The following RARB variants were observed in gnomAD, a reference collection of about 807,000 sequenced individuals.
RARB encodes the protein retinoic acid receptor beta, also known as HBV-activated protein.
Under a neutral mutation model 51.9 loss-of-function variants are expected in RARB, and 17 were observed. That is an observed-to-expected ratio of 0.33 (90% CI 0.22 to 0.49). The LOEUF (loss-of-function observed/expected upper bound fraction) is 0.49, where lower values mean the gene tolerates loss of function less well. Ranked by LOEUF, RARB falls within the 20% of genes least tolerant of loss-of-function variation. RARB has a pLI of 0.99. For synonymous variants in RARB, 215 were observed against 195.4 expected, an observed-to-expected ratio of 1.10 and a Z score of -0.84; for missense variants, 369 against 550.8, an observed-to-expected ratio of 0.67 and a Z score of 3.30.
chr3:24,880,270 C>T (rs1009614518), intron 2 of RARB, among the ~76,000 whole-genome samples: 1 of 150,872 alleles, frequency 6.6e-6, no homozygotes, highest in African/African-American at 2.4e-5. Flanking sequence ...ACCATCACAT[C>T]AGAGAGATGG....
At chr3:25,215,788 C>G (rs1037857013) in intron 5 of RARB, among the ~76,000 whole-genome samples, 2 of 152,282 alleles carry the variant, frequency 1.3e-5, no homozygotes, top group East Asian at 3.9e-4. Flanking sequence ...CCACCTGGGT[C>G]TTACGAGGAT....
At chr3:24,930,639 C>T (rs1695418909) in intron 2 of RARB, among the ~76,000 whole-genome samples, 1 of 151,996 alleles carries the variant, frequency 6.6e-6, no homozygotes, top group Non-Finnish European at 1.5e-5. Context: ...TGCTATGTGC[C>T]CAACACGGTT....
intron 3 of RARB, among the ~76,000 whole-genome samples, chr3:25,527,275 G>C (rs1182104752): frequency 6.6e-6 from 1 of 152,194 alleles, no homozygotes; most frequent in African/African-American, 2.4e-5. Flanking sequence ...TTGCAGCTCT[G>C]CAGGCAACAG....
At chr3:25,153,946 G>C (rs529738343) in intron 4 of RARB, among the ~76,000 whole-genome samples, 1 of 152,298 alleles carries the variant, frequency 6.6e-6, no homozygotes, top group South Asian at 2.1e-4. Context: ...ATTTACTGAG[G>C]CTTCTGAAGA....
intron 5 of RARB, among the ~76,000 whole-genome samples, chr3:25,191,427 C>T (rs746600975): frequency 1.4e-4 from 22 of 152,042 alleles, no homozygotes; most frequent in Admixed American, 2.0e-4. Context: ...GAAATTGTCC[C>T]GTGCTAAGAG....
chr3:25,247,372 C>G (rs934733291), intron 5 of RARB, among the ~76,000 whole-genome samples: 2 of 152,144 alleles, frequency 1.3e-5, no homozygotes, highest in African/African-American at 4.8e-5. Flanking sequence ...GGGATACAAA[C>G]AAAAACTCTG....
At chr3:24,964,812 C>T (rs1021598161) in intron 2 of RARB, among the ~76,000 whole-genome samples, 2 of 152,142 alleles carry the variant, frequency 1.3e-5, no homozygotes, top group Non-Finnish European at 2.9e-5. Flanking sequence ...AGGCGATGTC[C>T]CCGCTTTCTG....
intron 3 of RARB, among the ~76,000 whole-genome samples, chr3:25,111,495 A>C (rs1266875190): frequency 1.3e-5 from 2 of 152,084 alleles, no homozygotes; most frequent in African/African-American, 4.8e-5. Flanking sequence ...GCCCCTTCAC[A>C]AGAGATGGTC....
chr3:25,373,380 A>G (rs970154013), intron 5 of RARB, among the ~76,000 whole-genome samples: 3 of 151,948 alleles, frequency 2.0e-5, no homozygotes, highest in African/African-American at 7.3e-5. Context: ...GAAGAAGGAG[A>G]ATGCAGTGAG....
At chr3:25,118,657 G>T (rs1415542285) in intron 3 of RARB, among the ~76,000 whole-genome samples, 1 of 151,986 alleles carries the variant, frequency 6.6e-6, no homozygotes, top group Non-Finnish European at 1.5e-5. Context: ...TGCTTTTTCA[G>T]CCAAGCTGAG....
chr3:24,991,847 C>T (rs976180280), intron 2 of RARB, among the ~76,000 whole-genome samples: 5 of 151,878 alleles, frequency 3.3e-5, no homozygotes, highest in African/African-American at 1.2e-4. Context: ...CCTCACCTGG[C>T]TTCAGCTGAC....
At chr3:25,444,782 A>ACC (rs1708854843) in intron 1 of RARB, among the ~76,000 whole-genome samples, 1 of 152,214 alleles carries the variant, frequency 6.6e-6, no homozygotes, top group African/African-American at 2.4e-5. Flanking sequence ...AGTGATAGGC[A>ACC]GGTGGTATTC....
At chr3:24,867,712 G>A (rs567813854) in intron 2 of RARB, among the ~76,000 whole-genome samples, 2 of 152,084 alleles carry the variant, frequency 1.3e-5, no homozygotes, top group African/African-American at 2.4e-5. Flanking sequence ...CCTCAGGGTC[G>A]TTTTTGTGTA....
chr3:25,283,165 G>C (rs1703565973), intron 5 of RARB, among the ~76,000 whole-genome samples: 1 of 152,154 alleles, frequency 6.6e-6, no homozygotes, highest in South Asian at 2.1e-4. Context: ...CCTTTTGGCT[G>C]CTCACAGGAT....
chr3:25,435,301 G>A (rs1330198203), intron 1 of RARB, among the ~76,000 whole-genome samples: 2 of 152,186 alleles, frequency 1.3e-5, no homozygotes, highest in Non-Finnish European at 2.9e-5. Context: ...GAACAAATAA[G>A]ATGAGTGCAT....
chr3:25,376,184 T>C (rs1334406188), intron 5 of RARB, among the ~76,000 whole-genome samples: 1 of 152,274 alleles, frequency 6.6e-6, no homozygotes, highest in East Asian at 1.9e-4. Context: ...TCACATAAAA[T>C]GGCATTTTGC....
At chr3:25,292,633 A>C (rs1241048294) in intron 5 of RARB, among the ~76,000 whole-genome samples, 1 of 152,176 alleles carries the variant, frequency 6.6e-6, no homozygotes, top group Non-Finnish European at 1.5e-5. Context: ...ATTTATATTA[A>C]TGCCTTCCTC....
chr3:25,113,589 A>G (rs1699638564), intron 3 of RARB, among the ~76,000 whole-genome samples: 1 of 152,142 alleles, frequency 6.6e-6, no homozygotes, highest in African/African-American at 2.4e-5. Flanking sequence ...CAATTATCCA[A>G]TGCATTGGCT....
chr3:25,134,524 G>C (rs185514821), intron 4 of RARB, among the ~76,000 whole-genome samples: 1 of 151,898 alleles, frequency 6.6e-6, no homozygotes, highest in African/African-American at 2.4e-5. Flanking sequence ...GAGCTAAAAC[G>C]TGTACAGTTC....
Sources: gnomAD v4.1 joint callset for allele counts (sites outside exome capture counted in the v4.1 genomes callset) on GRCh38, gnomAD v4.1.1 for gene constraint, MANE v1.5 for transcripts, NCBI Gene and HGNC (gene_info 2026-07-23, HGNC 2026-07-21) for gene names.